Variants in ANKRD18B observed in about 807,000 individuals in gnomAD.
The protein encoded by ANKRD18B is ankyrin repeat domain-containing protein 18B.
Under a neutral mutation model 111.8 loss-of-function variants are expected in ANKRD18B, and 75 were observed. That is an observed-to-expected ratio of 0.67 (90% confidence interval 0.56 to 0.81). The LOEUF (loss-of-function observed/expected upper bound fraction) is 0.81. ANKRD18B is among the 40% of genes least tolerant of loss of function. The pLI is 0.00. For missense variants in ANKRD18B, 1,038 were observed against 1,225.5 expected, an observed-to-expected ratio of 0.85 and a Z score of 2.28; for synonymous variants, 356 against 417.3, an observed-to-expected ratio of 0.85 and a Z score of 1.79.
At chr9:33,568,335 A>G (rs1385032879) in intron 16 of ANKRD18B, among the ~76,000 whole-genome samples, 2 of 152,236 alleles carry the variant, frequency 1.3e-5, no homozygotes, top group Non-Finnish European at 2.9e-5. Flanking sequence ...ATACAAGTAT[A>G]TCTAAAGGAA....
chr9:33,566,606 C>G (rs1256700522), intron 15 of ANKRD18B, 106 bp downstream of exon 15: 2 of 1,345,890 alleles, frequency 1.5e-6, no homozygotes, highest in Non-Finnish European at 2.0e-6. Flanking sequence ...GCCTCTCTTA[C>G]GGCAATTTCC....
At position 33,555,290 on chromosome 9, in the gene ANKRD18B, T is replaced by C. The variant is rs1828505904; in HGVS notation, c.2218-418T>C. ...AGGTAGATGAGGATCAAAAATGTAA[T>C]GGGAACTAGATAAGAGTTTTCTAAA... is the stretch of plus-strand genomic sequence containing the variant. On this transcript the variant is annotated intron_variant, in intron 12 of 18. Coordinates refer to ENST00000684830, the MANE Select transcript of ANKRD18B (RefSeq NM_001393611.1). Among the ~76,000 whole-genome samples the C allele has an allele frequency of 2.6e-5, 4 of 152,326 alleles. 1 individual carries two copies. In the South Asian group the frequency reaches 8.3e-4, roughly 32 times the overall value.
rs181734094 is a variant in ANKRD18B at position 33,541,528 on chromosome 9, C to T, written c.1078+301C>T. ...CAGCCTGGGCAACATCGCCAGACCT[C>T]GTGACTATTTTGCAAAAACTGTAAC... On this transcript the variant is annotated intron_variant, in intron 9 of 18. Coordinates refer to ENST00000684830, the MANE Select transcript of ANKRD18B (RefSeq NM_001393611.1). 3.9e-4 allele frequency among the ~76,000 whole-genome samples: 60 copies of T among 152,206 alleles called. 2 individuals are homozygous for T. Among genetic ancestry groups the T allele is most frequent in the Admixed American group, 7.2e-4 (11 of 15,276 alleles).
intron 5 of ANKRD18B, among the ~76,000 whole-genome samples, chr9:33,535,773 C>A (rs28444143): frequency 7.7e-6 from 1 of 130,318 alleles, no homozygotes; most frequent in South Asian, 2.4e-4. Context: ...TTTATATTAT[C>A]ATTATAAATA....
intron 6 of ANKRD18B, among the ~76,000 whole-genome samples, chr9:33,538,925 C>A (rs188933457): frequency 1.7e-4 from 26 of 152,184 alleles, no homozygotes; most frequent in African/African-American, 6.3e-4. Flanking sequence ...ATTATCAAAC[C>A]ACTTCTATAA....
chr9:33,556,969 TCA>T (rs1366559820), intron 13 of ANKRD18B, among the ~76,000 whole-genome samples: 1 of 152,144 alleles, frequency 6.6e-6, no homozygotes, highest in Non-Finnish European at 1.5e-5. Context: ...CATGTTTTGA[TCA>T]CAGACTTTTT....
rs761997886 is a variant in ANKRD18B at position 33,548,646 on chromosome 9, C to T, written c.1858C>T (p.Arg620Ter). ...CTCTTCAGAGGAGAGAATACGTCAACGAGAACTTGAAAATCTCTTGCTTGA... is the reference window on the plus strand; with the variant it reads ...CTCTTCAGAGGAGAGAATACGTCAATGAGAACTTGAAAATCTCTTGCTTGA... ...QNSSEERIRQ[R>*]ELENLLLERQ... The change falls in exon 11 of 19, where the codon CGA becomes TGA. Residue 620 changes from arginine to a stop codon, truncating the protein, a stop_gained. Coordinates refer to ENST00000684830, the MANE Select transcript of ANKRD18B (RefSeq NM_001393611.1). LOFTEE classifies it high-confidence loss of function. 3.7e-5 allele frequency: 57 copies of T among 1,551,018 alleles called. No homozygotes were observed. Among genetic ancestry groups the T allele is most frequent in the Non-Finnish European group, 4.5e-5 (52 of 1,146,640 alleles).
intron 16 of ANKRD18B, among the ~76,000 whole-genome samples, chr9:33,567,622 G>C (rs1337313065): frequency 6.6e-6 from 1 of 151,954 alleles, no homozygotes; most frequent in African/African-American, 2.4e-5. Flanking sequence ...AAGTGATCTT[G>C]TTATAAAATT....
At chr9:33,527,621 G>T (rs1422843998) in intron 1 of ANKRD18B, among the ~76,000 whole-genome samples, 1 of 152,142 alleles carries the variant, frequency 6.6e-6, no homozygotes, top group Admixed American at 6.5e-5. Flanking sequence ...CGCCCGGCCA[G>T]CTGCATGTTT....
intron 2 of ANKRD18B, 73 bp downstream of exon 2, chr9:33,528,914 T>A (rs1166256064): frequency 2.7e-5 from 42 of 1,566,022 alleles, no homozygotes; most frequent in Non-Finnish European, 3.6e-5. Flanking sequence ...TTGTCTCATT[T>A]AAATATAGCT....
At chr9:33,527,371 G>C (rs1828040394) in intron 1 of ANKRD18B, among the ~76,000 whole-genome samples, 1 of 151,934 alleles carries the variant, frequency 6.6e-6, no homozygotes, top group African/African-American at 2.4e-5. Flanking sequence ...GCCTAGGCTG[G>C]AGTGCAGTGG....
rs1417692048 is a variant in ANKRD18B, at chr9:33,566,374, A to G, written c.2616A>G (p.Lys872=). 1.9e-6 allele frequency: 3 copies of G among 1,587,192 alleles called. No individual in the cohort carries two copies. The African/African-American group carries it at 4.1e-5, about 21-fold the overall frequency. The part of the protein sequence containing the change: ...LEKDKKMLEE[K]VLNLKTHMEK... ...AGGATAAAAAGATGTTGGAAGAAAA[A>G]GTATTAAATCTTAAGACACATATGG... The change falls in exon 15 of 19, where the codon AAA becomes AAG. Residue 872 remains lysine, a synonymous_variant. Coordinates refer to ENST00000684830, the MANE Select transcript of ANKRD18B (RefSeq NM_001393611.1).
At chr9:33,526,213 C>T (rs538336527) in intron 1 of ANKRD18B, among the ~76,000 whole-genome samples, 29 of 152,040 alleles carry the variant, frequency 1.9e-4, no homozygotes, top group Non-Finnish European at 2.1e-4. Flanking sequence ...ATGTATATGC[C>T]CTTTACCCAT....
intron 17 of ANKRD18B, among the ~76,000 whole-genome samples, chr9:33,570,429 T>C (rs1428580053): frequency 2.0e-5 from 3 of 147,658 alleles, no homozygotes; most frequent in African/African-American, 5.0e-5. Context: ...CTTACACAGG[T>C]ACCACTTTAA....
chr9:33,573,608 T>C (rs1266669498), downstream of ANKRD18B, among the ~76,000 whole-genome samples: 4 of 144,488 alleles, frequency 2.8e-5, 1 homozygote, highest in African/African-American at 9.8e-5. Flanking sequence ...ACCTGGAGCC[T>C]GAGGCTGACT....
chr9:33,574,079 G>T (rs754240734), downstream of ANKRD18B, among the ~76,000 whole-genome samples: 2 of 142,854 alleles, frequency 1.4e-5, 1 homozygote, highest in Non-Finnish European at 3.2e-5. Context: ...GGCTCAGTCG[G>T]CTGGGGACTG....
At chr9:33,527,822 T>G (rs1486796285) in intron 1 of ANKRD18B, among the ~76,000 whole-genome samples, 1 of 152,160 alleles carries the variant, frequency 6.6e-6, no homozygotes, top group Non-Finnish European at 1.5e-5. Flanking sequence ...TCCTACTATT[T>G]TCTACATTAA....
rs149157695 is a variant in ANKRD18B at position 33,563,016 on chromosome 9, A to G, written c.2461-3203A>G. 8.0e-3 allele frequency among the ~76,000 whole-genome samples: 1,212 copies of G among 152,274 alleles called. 11 individuals carry two copies. Among genetic ancestry groups the G allele is most frequent in the Non-Finnish European group, 0.012 (837 of 68,014 alleles). On this transcript the variant is annotated intron_variant, in intron 14 of 18. Coordinates refer to ENST00000684830, the MANE Select transcript of ANKRD18B (RefSeq NM_001393611.1). ...CCTAACTTGAGGGGAAATTGTAAGGAGACACCCTTGCCTTATTATCAGAGC... is the reference window on the plus strand; with the variant it reads ...CCTAACTTGAGGGGAAATTGTAAGGGGACACCCTTGCCTTATTATCAGAGC...
chr9:33,530,527 CAAAAAAAAAA>C (rs34371607), intron 3 of ANKRD18B, among the ~76,000 whole-genome samples: 1 of 82,990 alleles, frequency 1.2e-5, no homozygotes, highest in Non-Finnish European at 2.3e-5. Flanking sequence ...ACAACAAGAG[CAAAAAAAAAA>C]AAAAAAAAAA....
Sources: allele counts gnomAD v4.1 joint callset (sites outside exome capture counted in the v4.1 genomes callset), GRCh38; gene constraint gnomAD v4.1.1; transcripts MANE v1.5; gene names NCBI Gene and HGNC (gene_info 2026-07-23, HGNC 2026-07-21).